Variants in SND1 observed in about 807,000 individuals in gnomAD.
SND1 encodes staphylococcal nuclease domain-containing protein 1.
A neutral mutation model predicts 121.7 loss-of-function variants in SND1; 38 were observed. The ratio of observed to expected loss-of-function variants is 0.31; its 90% CI spans 0.24 to 0.41. SND1 has a LOEUF of 0.41. Among genes scored for constraint, SND1 ranks in the 10% least tolerant of loss-of-function variants. The pLI is 1.00. For synonymous variants in SND1, 401 were observed against 447.4 expected, an observed-to-expected ratio of 0.90 and a Z score of 1.31; for missense variants, 868 against 1,184.6, an observed-to-expected ratio of 0.73 and a Z score of 3.92.
intron 14 of SND1, among the ~76,000 whole-genome samples, chr7:127,914,735 G>C (rs1374516771): frequency 6.6e-6 from 1 of 152,138 alleles, no homozygotes; most frequent in Non-Finnish European, 1.5e-5. Flanking sequence ...CAGCAGAAAG[G>C]GTGCATGTCT....
At chr7:127,738,467 A>G (rs1317910192) in intron 10 of SND1, among the ~76,000 whole-genome samples, 1 of 151,524 alleles carries the variant, frequency 6.6e-6, no homozygotes, top group African/African-American at 2.4e-5. Flanking sequence ...TTTAGTAGAG[A>G]GGGGTTTCAC....
chr7:127,823,712 C>T (rs986882725), intron 11 of SND1, among the ~76,000 whole-genome samples: 4 of 152,012 alleles, frequency 2.6e-5, no homozygotes, highest in South Asian at 2.1e-4. Flanking sequence ...TGCAAATGAA[C>T]GCTCAATTAA....
At chr7:128,083,428 G>A (rs1734105009) in intron 18 of SND1, among the ~76,000 whole-genome samples, 1 of 152,210 alleles carries the variant, frequency 6.6e-6, no homozygotes, top group South Asian at 2.1e-4. Flanking sequence ...GGAGAGGGGC[G>A]GCTGCTACCT....
At chr7:127,755,051 T>C (rs1173386849) in intron 10 of SND1, among the ~76,000 whole-genome samples, 1 of 152,244 alleles carries the variant, frequency 6.6e-6, no homozygotes, top group East Asian at 1.9e-4. Flanking sequence ...GGGTGATCTC[T>C]GAACCTACAG....
chr7:127,680,657 G>C (rs1795706468), intron 1 of SND1, among the ~76,000 whole-genome samples: 1 of 151,712 alleles, frequency 6.6e-6, no homozygotes. Context: ...CTGTTATCCT[G>C]TTCTTTTTTC....
chr7:128,014,087 C>T (rs1049762696), intron 16 of SND1, among the ~76,000 whole-genome samples: 3 of 152,156 alleles, frequency 2.0e-5, no homozygotes, highest in Middle Eastern at 3.2e-3. Context: ...TTTTCCAGGG[C>T]AGTCAGTCAA....
At chr7:127,888,057 CTT>C in intron 13 of SND1, 45 bp downstream of exon 13, 1 of 1,378,024 alleles carries the variant, frequency 7.3e-7, no homozygotes, top group Non-Finnish European at 1.0e-6. Context: ...CACACCCTCA[CTT>C]TTTTCTTTCC....
At chr7:127,858,224 A>G in intron 12 of SND1, 2 of 780,766 alleles carry the variant, frequency 2.6e-6, no homozygotes, top group Non-Finnish European at 4.6e-6. Flanking sequence ...TTCCTGGTAC[A>G]TGCCAAGGTT....
At chr7:127,778,583 C>G (rs760747865) in intron 10 of SND1, among the ~76,000 whole-genome samples, 2 of 152,174 alleles carry the variant, frequency 1.3e-5, no homozygotes, top group Non-Finnish European at 2.9e-5. Context: ...TGTAGTCAGA[C>G]TGACCTGGGT....
chr7:128,021,886 T>A (rs1167516788), intron 16 of SND1, among the ~76,000 whole-genome samples: 1 of 152,064 alleles, frequency 6.6e-6, no homozygotes, highest in Non-Finnish European at 1.5e-5. Context: ...TTGAAGGGTA[T>A]TTTTTTATTA....
chr7:127,694,679 G>T (rs1465289412), intron 2 of SND1, 149 bp from the exon 3 acceptor site: 3 of 882,308 alleles, frequency 3.4e-6, no homozygotes, highest in African/African-American at 3.4e-5. Context: ...TGCATTGTGT[G>T]CATTTCATTT....
chr7:127,983,623 C>A (rs1802318024), intron 15 of SND1, among the ~76,000 whole-genome samples: 1 of 151,950 alleles, frequency 6.6e-6, no homozygotes, highest in Admixed American at 6.6e-5. Flanking sequence ...ATTTTGTCTC[C>A]CCCATCGTTT....
At chr7:127,865,865 T>C (rs1799462467) in intron 12 of SND1, among the ~76,000 whole-genome samples, 1 of 152,004 alleles carries the variant, frequency 6.6e-6, no homozygotes, top group Non-Finnish European at 1.5e-5. Flanking sequence ...TGTTAAATCA[T>C]AACTTCATCT....
At chr7:127,918,085 C>T in intron 14 of SND1, among the ~76,000 whole-genome samples, 1 of 143,578 alleles carries the variant, frequency 7.0e-6, no homozygotes, top group East Asian at 2.0e-4. Flanking sequence ...CTTTTTTAGA[C>T]AGAGTCTGAC....
At position 127,744,276 on chromosome 7, in the gene SND1, A is replaced by G. The variant is rs1262750285; in HGVS notation, c.1152+22876A>G. On this transcript the variant is annotated intron_variant, in intron 10 of 23. Transcript: ENST00000354725. ...CCCCCGTTTCTTCCATGTTCTTTTC[A>G]TTCAATTTGCCGTTTTTGGGTCGGC... 2.0e-5 allele frequency among the ~76,000 whole-genome samples: 3 copies of G among 151,072 alleles called. No homozygotes were observed. The South Asian group carries it at 6.3e-4, about 32-fold the overall frequency.
rs1303808443 is a variant in SND1, at chr7:127,733,737, T to A, written c.1152+12337T>A. Among the ~76,000 whole-genome samples, 74 of 152,284 alleles carry A rather than the reference T, an allele frequency of 4.9e-4. 1 individual carries two copies. Among genetic ancestry groups the A allele is most frequent in the Non-Finnish European group, 4.4e-5 (3 of 68,030 alleles). ...GTGGATTTCTGTTGATGCCATATAT[T>A]TTGATTGCACAGCAGAGTCGCATTG... is the stretch of plus-strand genomic sequence containing the variant. On this transcript the variant is annotated intron_variant, in intron 10 of 23. Transcript: ENST00000354725.
At chr7:127,996,210 G>A (rs903178811) in intron 16 of SND1, among the ~76,000 whole-genome samples, 1 of 151,830 alleles carries the variant, frequency 6.6e-6, no homozygotes, top group African/African-American at 2.4e-5. Context: ...AAGTATTTAC[G>A]TTTCAGGGGA....
At chr7:127,885,857 T>G (rs867434129) in intron 12 of SND1, among the ~76,000 whole-genome samples, 3 of 152,118 alleles carry the variant, frequency 2.0e-5, no homozygotes, top group South Asian at 4.1e-4. Flanking sequence ...TTCTTGGCAT[T>G]TAAAACAGCC....
chr7:128,033,947 C>G (rs1792700416), intron 16 of SND1, among the ~76,000 whole-genome samples: 1 of 152,140 alleles, frequency 6.6e-6, no homozygotes, highest in African/African-American at 2.4e-5. Flanking sequence ...TCCACCATAC[C>G]AAGAACTTAT....
Sources: gnomAD v4.1 joint callset for allele counts (sites outside exome capture counted in the v4.1 genomes callset) on GRCh38, gnomAD v4.1.1 for gene constraint, MANE v1.5 for transcripts, NCBI Gene and HGNC (gene_info 2026-07-23, HGNC 2026-07-21) for gene names.